Variants in DENND4C observed in about 807,000 individuals in gnomAD.
DENND4C encodes DENN domain containing 4C, also known as DENN domain-containing protein 4C.
A neutral mutation model predicts 203.0 loss-of-function variants in DENND4C; 108 were observed. That is an observed-to-expected ratio of 0.53 (90% CI 0.46 to 0.62). The LOEUF is 0.62. Among genes scored for constraint, DENND4C ranks in the 20% least tolerant of loss-of-function variants. The probability of loss-of-function intolerance (pLI) is 0.00; values close to 1 mark genes in which losing one functional copy is unlikely to be tolerated. For synonymous variants in DENND4C, 871 were observed against 792.4 expected (o/e 1.10, Z -1.67); for missense variants, 2,481 against 2,301.2 (o/e 1.08, Z -1.60).
chr9:19,367,471 C>T lies in DENND4C; in HGVS notation c.5525-2366C>T, dbSNP rs572645873. On this transcript the variant is annotated intron_variant, in intron 30 of 32. Coordinates refer to ENST00000434457, the MANE Select transcript of DENND4C (RefSeq NM_001330640.2). ...GAATTGAGGGCTGAGCGCAGTGGCG[C>T]ACGCCTGTAATCCCAGCACTTTGGG... is the stretch of plus-strand genomic sequence containing the variant. Among the ~76,000 whole-genome samples the T allele has an allele frequency of 2.0e-5, 3 of 152,366 alleles. No homozygotes were observed. The South Asian group carries it at 6.2e-4, about 32-fold the overall frequency.
rs1453993692 is a variant in DENND4C, at chr9:19,346,260, C to G, written c.3491C>G (p.Ser1164Cys). ...CHLPDSRTCM[S>C]ESTWNPEHRS... ...CTACCTGATAGTAGGACTTGTATGTCTGAAAGCACTTGGAATCCTGAGCAC... is the reference window on the plus strand; with the variant it reads ...CTACCTGATAGTAGGACTTGTATGTGTGAAAGCACTTGGAATCCTGAGCAC... The change falls in exon 23 of 33, where the codon TCT (serine) becomes TGT (cysteine). Residue 1164 changes from serine (S) to cysteine (C), a missense_variant. Ser to Cys is a moderately radical substitution (Grantham distance 112, BLOSUM62 -1). This residue lies in a region of DENND4C where 2,289 missense variants were observed against 2,113.3 expected (regional missense o/e 1.08). Coordinates refer to ENST00000434457, the MANE Select transcript of DENND4C (RefSeq NM_001330640.2). 1.9e-6 allele frequency: 3 copies of G among 1,614,148 alleles called. No homozygotes were observed. The highest frequency in any genetic ancestry group is 2.5e-6 in the Non-Finnish European group (3 of 1,180,022).
At position 19,348,792 on chromosome 9, in the gene DENND4C, GA is replaced by G. The variant is rs367658826; in HGVS notation, c.4317+1716del. 1.6e-3 allele frequency among the ~76,000 whole-genome samples: 239 copies of G among 147,442 alleles called. 1 individual carries two copies. The highest frequency in any genetic ancestry group is 5.2e-3 in the African/African-American group (209 of 40,478). On this transcript the variant is annotated intron_variant, in intron 23 of 32. Coordinates refer to ENST00000434457, the MANE Select transcript of DENND4C (RefSeq NM_001330640.2). ...CTTAATCTGGCATTATGATAAAAAAGAAAAAAAAAAGTGTATCATTTTATTT... is the reference window on the plus strand; with the variant it reads ...CTTAATCTGGCATTATGATAAAAAAGAAAAAAAAAGTGTATCATTTTATTT...
intron 1 of DENND4C, among the ~76,000 whole-genome samples, chr9:19,273,501 C>T (rs749694791): frequency 6.6e-6 from 1 of 151,946 alleles, no homozygotes; most frequent in Non-Finnish European, 1.5e-5. Flanking sequence ...AAAACACAAG[C>T]CGCAGACTGG....
At chr9:19,251,152 A>C (rs967932687) in intron 1 of DENND4C, among the ~76,000 whole-genome samples, 1 of 152,128 alleles carries the variant, frequency 6.6e-6, no homozygotes, top group African/African-American at 2.4e-5. Context: ...ATTTCCATAC[A>C]TCCTCTGAAA....
At chr9:19,252,328 C>A (rs951810952) in intron 1 of DENND4C, among the ~76,000 whole-genome samples, 3 of 152,150 alleles carry the variant, frequency 2.0e-5, no homozygotes, top group Non-Finnish European at 4.4e-5. Context: ...TTACCTCTCA[C>A]CAGGTTCCTC....
At chr9:19,339,384 T>G (rs1821128061) in intron 20 of DENND4C, among the ~76,000 whole-genome samples, 1 of 152,232 alleles carries the variant, frequency 6.6e-6, no homozygotes, top group African/African-American at 2.4e-5. Context: ...TTAAAAAATC[T>G]TTTATGACCT....
chr9:19,328,207 T>C (rs1373528439), intron 16 of DENND4C, 45 bp downstream of exon 16: 2 of 1,544,736 alleles, frequency 1.3e-6, no homozygotes, highest in East Asian at 2.3e-5. Context: ...AGATGTAAAA[T>C]ATGTATATGT....
chr9:19,326,138 T>A lies in DENND4C; in HGVS notation c.2064T>A (p.Phe688Leu), dbSNP rs764346000. The A allele has an allele frequency of 6.2e-7, 1 of 1,613,538 alleles. No individual in the cohort carries two copies. The highest frequency in any genetic ancestry group is 1.1e-5 in the South Asian group (1 of 90,946). The stretch of plus-strand genomic sequence containing the variant: ...CACAGAAAAGTGAGCATACTGTATT[T>A]ATAATGCCGCCAGAGCCACCTCCTG... ...DDSQKSEHTVFIMPPEPPPDD... is the reference protein window; with the variant it reads ...DDSQKSEHTVLIMPPEPPPDD... Residue 688 changes from phenylalanine to leucine, a missense_variant, in exon 15 of 33, where the codon TTT becomes TTA. Phe to Leu is a conservative substitution (Grantham distance 22). Around this residue, in one of 3 missense-constraint regions of DENND4C, gnomAD observed 2,289 missense variants for 2,113.3 expected, o/e 1.08. Transcript: ENST00000434457.
At chr9:19,300,357 A>C (rs749185897) in intron 9 of DENND4C, 26 bp downstream of exon 9, 3 of 1,480,932 alleles carry the variant, frequency 2.0e-6, no homozygotes, top group Non-Finnish European at 2.7e-6. Flanking sequence ...TCCTTTTAGT[A>C]CAAAATTACT....
At position 19,298,126 on chromosome 9, in the gene DENND4C, A is replaced by G; in HGVS notation, c.1107+4A>G. 6.2e-7 allele frequency: 1 copy of G among 1,606,738 alleles called. No homozygotes were observed. The highest frequency in any genetic ancestry group is 8.5e-7 in the Non-Finnish European group (1 of 1,175,846). ...AAGACCGAGAATCCTTGTCCAGGTA[A>G]TCAAAAGAGAGTATATTTGGGGAGA... On this transcript the variant is annotated splice_donor_region_variant and intron_variant, in intron 7 of 32. Transcript: ENST00000434457.
At chr9:19,367,173 T>C (rs957477636) in intron 30 of DENND4C, among the ~76,000 whole-genome samples, 1 of 152,046 alleles carries the variant, frequency 6.6e-6, no homozygotes, top group Non-Finnish European at 1.5e-5. Context: ...AGGATGGCTA[T>C]AATAAAAAAA....
chr9:19,253,243 G>T (rs1827092925), intron 1 of DENND4C, among the ~76,000 whole-genome samples: 1 of 152,314 alleles, frequency 6.6e-6, no homozygotes, highest in South Asian at 2.1e-4. Context: ...ATTTTTCCAA[G>T]TTCATTTGGC....
chr9:19,350,735 G>A lies in DENND4C; in HGVS notation c.4351G>A (p.Gly1451Ser). 1 of 1,613,570 alleles carries A rather than the reference G, an allele frequency of 6.2e-7. No homozygotes were observed. Among genetic ancestry groups the A allele is most frequent in the Non-Finnish European group, 8.5e-7 (1 of 1,179,880 alleles). ...ETNRDYSFPA[G>S]LEDHILGENI... ...TAATAGAGACTACAGCTTCCCAGCT[G>A]GCCTAGAAGACCATATTTTGGGGGA... The change falls in exon 24 of 33, where the codon GGC (glycine) becomes AGC (serine). Residue 1451 changes from glycine (G) to serine (S), a missense_variant. Gly to Ser is a moderately conservative substitution (Grantham distance 56, BLOSUM62 0). Transcript: ENST00000434457.
intron 4 of DENND4C, among the ~76,000 whole-genome samples, chr9:19,290,120 G>A (rs1411542127): frequency 4.6e-5 from 7 of 152,148 alleles, no homozygotes; most frequent in Non-Finnish European, 1.0e-4. Context: ...CAGATGCCAT[G>A]TAGCTAATTT....
intron 1 of DENND4C, among the ~76,000 whole-genome samples, chr9:19,271,493 C>G (rs1831658064): frequency 6.6e-6 from 1 of 152,122 alleles, no homozygotes; most frequent in Non-Finnish European, 1.5e-5. Context: ...TGAGCTACCG[C>G]CTCTGGCCAG....
At chr9:19,337,399 G>A (rs1291903010) in intron 20 of DENND4C, among the ~76,000 whole-genome samples, 1 of 152,120 alleles carries the variant, frequency 6.6e-6, no homozygotes, top group African/African-American at 2.4e-5. Flanking sequence ...CCTTCTTCTT[G>A]TGTTGTTTTT....
chr9:19,332,159 A>T lies in DENND4C; in HGVS notation c.2435A>T (p.Lys812Ile). 1 of 1,613,996 alleles carries T rather than the reference A, an allele frequency of 6.2e-7. No individual in the cohort carries two copies. Residue 812 changes from lysine (K) to isoleucine (I), a missense_variant, in exon 17 of 33, where the codon AAA (lysine) becomes ATA (isoleucine). Transcript: ENST00000434457. ...TATGATGTACTTATTAAGATGAGGA[A>T]AACAGATGTGGATCCCTTAGATGAG... The part of the protein sequence containing the change: ...QAYDVLIKMR[K>I]TDVDPLDEVC...
chr9:19,332,765 A>ATG (rs1819530692), intron 17 of DENND4C, among the ~76,000 whole-genome samples: 1 of 110,496 alleles, frequency 9.1e-6, no homozygotes, highest in African/African-American at 3.3e-5. Flanking sequence ...TCTGTTTTTG[A>ATG]TTTTTTTTTT....
chr9:19,251,906 C>G (rs977880491), intron 1 of DENND4C, among the ~76,000 whole-genome samples: 34 of 152,224 alleles, frequency 2.2e-4, no homozygotes, highest in Non-Finnish European at 1.2e-4. Flanking sequence ...GAGTTCCAAA[C>G]TTTCCCACAT....
Sources: allele counts gnomAD v4.1 joint callset (sites outside exome capture counted in the v4.1 genomes callset), GRCh38; gene constraint gnomAD v4.1.1; regional missense constraint gnomAD v4.1.1; transcripts MANE v1.5; gene names NCBI Gene and HGNC (gene_info 2026-07-23, HGNC 2026-07-21).